The following KIRREL3 variants were observed in gnomAD, a reference collection of about 807,000 sequenced individuals.
KIRREL3 encodes the protein kin of IRRE-like protein 3.
A neutral mutation model predicts 89.7 loss-of-function variants in KIRREL3; 36 were observed. The observed-to-expected ratio is 0.40, with a 90% CI of 0.31 to 0.53. The LOEUF is 0.53. Among genes scored for constraint, KIRREL3 ranks in the 20% least tolerant of loss-of-function variants. The pLI is 0.49. For synonymous variants in KIRREL3, 445 were observed against 441.4 expected (o/e 1.01, Z -0.10); for missense variants, 864 against 1,056.6 (o/e 0.82, Z 2.53).
chr11:126,914,669 G>C (rs1004615385), intron 1 of KIRREL3, among the ~76,000 whole-genome samples: 1 of 152,184 alleles, frequency 6.6e-6, no homozygotes, highest in Admixed American at 6.5e-5. Context: ...GGTAGCATAC[G>C]CCACTTTTTC....
rs777438355 is a variant in KIRREL3 at position 126,424,823 on chromosome 11, G to A, written c.2094C>T (p.Gly698=). 7.4e-6 allele frequency: 12 copies of A among 1,614,050 alleles called. No individual in the cohort carries two copies. The highest frequency in any genetic ancestry group is 1.0e-5 in the Non-Finnish European group (12 of 1,179,906). ...AAAGCTCGATGGACGAGCTGCCCAT[G>A]CCCAGCACAAACCGCTGCCCGTAGT... ...LYDYGQRFVL[G]MGSSSIELCE... Residue 698 remains glycine (G), a synonymous_variant, in exon 17 of 17, where the codon GGC becomes GGT. Transcript: ENST00000525144.
At position 126,623,651 on chromosome 11, in the gene KIRREL3, C is replaced by T. The variant is rs1346546312; in HGVS notation, c.56-60739G>A. Among the ~76,000 whole-genome samples the T allele has an allele frequency of 1.3e-5, 2 of 151,920 alleles. No homozygotes were observed. Among genetic ancestry groups the T allele is most frequent in the African/African-American group, 4.8e-5 (2 of 41,352 alleles). ...GCGGGGAGGATACCTGTGGTCAGGA[C>T]CAGGTTGTGTGCAGGGCAGCTCTGA... On this transcript the variant is annotated intron_variant, in intron 1 of 16. Coordinates refer to ENST00000525144, the MANE Select transcript of KIRREL3 (RefSeq NM_032531.4). The surrounding 1 kb of genome is among the most constrained non-coding windows in gnomAD (Gnocchi z 4.1).
chr11:126,634,539 G>A (rs867610895), intron 1 of KIRREL3, among the ~76,000 whole-genome samples: 1 of 152,176 alleles, frequency 6.6e-6, no homozygotes, highest in Non-Finnish European at 1.5e-5. Context: ...GAGTGGAGGC[G>A]CCACTTGGGC....
At chr11:126,952,462 T>C (rs1437049908) in intron 1 of KIRREL3, among the ~76,000 whole-genome samples, 1 of 152,194 alleles carries the variant, frequency 6.6e-6, no homozygotes, top group African/African-American at 2.4e-5. Context: ...TTTAAGTTCT[T>C]TGTAGATTCT....
chr11:126,737,412 C>T (rs1401404646), intron 1 of KIRREL3, among the ~76,000 whole-genome samples: 2 of 152,150 alleles, frequency 1.3e-5, no homozygotes, highest in African/African-American at 2.4e-5. Context: ...GTCATGCCTG[C>T]ATCACTGCCC....
At chr11:126,446,080 G>A (rs1223779096) in intron 9 of KIRREL3, among the ~76,000 whole-genome samples, 2 of 149,606 alleles carry the variant, frequency 1.3e-5, no homozygotes, top group Admixed American at 6.8e-5. Context: ...CCCGGGAGGC[G>A]GAGTTTGTGG....
intron 1 of KIRREL3, among the ~76,000 whole-genome samples, chr11:126,893,622 G>C (rs11220651): frequency 6.6e-6 from 1 of 152,256 alleles, no homozygotes; most frequent in African/African-American, 2.4e-5. Flanking sequence ...CCGGGTTACC[G>C]TGAGCTGATC....
At chr11:126,472,544 C>T (rs1258900131) in intron 5 of KIRREL3, among the ~76,000 whole-genome samples, 1 of 152,140 alleles carries the variant, frequency 6.6e-6, no homozygotes, top group Non-Finnish European at 1.5e-5. Flanking sequence ...GGGTTAGGAT[C>T]TTGACATAGA....
In KIRREL3 at chr11:126,729,910, A is replaced by G. The variant is rs907669384; in HGVS notation, c.56-166998T>C. ...CAGTCCTTTGAGGTATCTGGCAGACAGTTTTCTGCCCTTCCCTTCCTTGAC... is the reference window on the plus strand; with the variant it reads ...CAGTCCTTTGAGGTATCTGGCAGACGGTTTTCTGCCCTTCCCTTCCTTGAC... On this transcript the variant is annotated intron_variant, in intron 1 of 16. Coordinates refer to ENST00000525144, the MANE Select transcript of KIRREL3 (RefSeq NM_032531.4). This position sits in a 1 kb window ranked among gnomAD's most constrained non-coding sequence, Gnocchi z 4.5. Among the ~76,000 whole-genome samples the G allele has an allele frequency of 6.6e-6, 1 of 152,086 alleles. No individual in the cohort carries two copies. The highest frequency in any genetic ancestry group is 1.9e-4 in the East Asian group (1 of 5,178).
At chr11:126,737,694 G>C (rs1489037981) in intron 1 of KIRREL3, among the ~76,000 whole-genome samples, 2 of 152,192 alleles carry the variant, frequency 1.3e-5, no homozygotes, top group East Asian at 3.8e-4. Context: ...CAGTGAGCTA[G>C]AGGAGGCTTT....
intron 1 of KIRREL3, among the ~76,000 whole-genome samples, chr11:126,567,247 A>T (rs1481042627): frequency 6.6e-6 from 1 of 152,208 alleles, no homozygotes; most frequent in African/African-American, 2.4e-5. Context: ...ACGGACCTTT[A>T]TCCTGTGACT....
intron 9 of KIRREL3, among the ~76,000 whole-genome samples, chr11:126,445,590 C>T (rs1426545794): frequency 6.6e-6 from 1 of 152,236 alleles, no homozygotes; most frequent in African/African-American, 2.4e-5. Context: ...TGAAAACAGG[C>T]TCTGGCATGA....
chr11:126,737,260 A>G (rs1258363340), intron 1 of KIRREL3, among the ~76,000 whole-genome samples: 1 of 151,750 alleles, frequency 6.6e-6, no homozygotes, highest in Non-Finnish European at 1.5e-5. Context: ...CCTGGGGCTC[A>G]GGAAGGGGGC....
At chr11:126,593,374 A>G (rs1200941875) in intron 1 of KIRREL3, among the ~76,000 whole-genome samples, 1 of 152,222 alleles carries the variant, frequency 6.6e-6, no homozygotes, top group African/African-American at 2.4e-5. Flanking sequence ...GGCTGATGGC[A>G]GCAAGCAGCC....
rs889978934 is a variant in KIRREL3, at chr11:126,568,654, G to T, written c.56-5742C>A. 3.3e-5 allele frequency among the ~76,000 whole-genome samples: 5 copies of T among 152,124 alleles called. No individual in the cohort carries two copies. Among genetic ancestry groups the T allele is most frequent in the African/African-American group, 1.2e-4 (5 of 41,426 alleles). ...AGCACTTACCAGTGAGCAACTCTTA[G>T]GCTTCTCTGAGCTTTGGTTTCCTCA... On this transcript the variant is annotated intron_variant, in intron 1 of 16. Transcript: ENST00000525144. The surrounding 1 kb of genome is among the most constrained non-coding windows in gnomAD (Gnocchi z 4.6).
At chr11:126,824,334 T>G (rs186862643) in intron 1 of KIRREL3, among the ~76,000 whole-genome samples, 54 of 152,332 alleles carry the variant, frequency 3.5e-4, no homozygotes, top group Non-Finnish European at 6.8e-4. Flanking sequence ...CTGTGCCAGG[T>G]GCATTCACAG....
intron 4 of KIRREL3, among the ~76,000 whole-genome samples, chr11:126,514,736 T>C (rs772721867): frequency 6.6e-6 from 1 of 152,112 alleles, no homozygotes; most frequent in Non-Finnish European, 1.5e-5. Flanking sequence ...GTCACACCAG[T>C]GGCAAAATGA....
rs1191555012 is a variant in KIRREL3 at position 126,860,166 on chromosome 11, A to T, written c.55+140289T>A. ...ATATTGGAATTAATTTCAATACAACAAACAGGTAACGAGCATTTGTGATGT... is the reference window on the plus strand; with the variant it reads ...ATATTGGAATTAATTTCAATACAACTAACAGGTAACGAGCATTTGTGATGT... On this transcript the variant is annotated intron_variant, in intron 1 of 16. Coordinates refer to ENST00000525144, the MANE Select transcript of KIRREL3 (RefSeq NM_032531.4). The surrounding 1 kb of genome is among the most constrained non-coding windows in gnomAD (Gnocchi z 4.6). 6.6e-6 allele frequency among the ~76,000 whole-genome samples: 1 copy of T among 152,206 alleles called. No individual in the cohort carries two copies. Among genetic ancestry groups the T allele is most frequent in the East Asian group, 1.9e-4 (1 of 5,186 alleles).
Position 126,578,961 on chromosome 11 carries a change from C to T in KIRREL3, c.56-16049G>A, listed in dbSNP as rs1941399018. Among the ~76,000 whole-genome samples, 1 of 152,158 alleles carries T rather than the reference C, an allele frequency of 6.6e-6. No individual in the cohort carries two copies. The highest frequency in any genetic ancestry group is 1.5e-5 in the Non-Finnish European group (1 of 68,040). The stretch of plus-strand genomic sequence containing the variant: ...GAGATGGGACTTTGTCTCCATGTGA[C>T]TTATGAAGACACTGAGGACCAGCAA... On this transcript the variant is annotated intron_variant, in intron 1 of 16. Coordinates refer to ENST00000525144, the MANE Select transcript of KIRREL3 (RefSeq NM_032531.4). This position sits in a 1 kb window ranked among gnomAD's most constrained non-coding sequence, Gnocchi z 4.9.
Sources: gnomAD v4.1 joint callset for allele counts (sites outside exome capture counted in the v4.1 genomes callset) on GRCh38, gnomAD v4.1.1 for gene constraint, Gnocchi (gnomAD v3.1) non-coding constraint, MANE v1.5 for transcripts, NCBI Gene and HGNC (gene_info 2026-07-23, HGNC 2026-07-21) for gene names.